Variants in ZBTB38 observed in about 807,000 individuals in gnomAD.
The protein encoded by ZBTB38 is zinc finger and BTB domain-containing protein 38.
ZBTB38 carries 20 observed loss-of-function variants against 76.8 expected under a neutral mutation model. The ratio of observed to expected loss-of-function variants is 0.26; its 90% CI spans 0.18 to 0.38. The LOEUF is 0.38. Ranked by LOEUF, ZBTB38 falls within the 10% of genes least tolerant of loss-of-function variation. ZBTB38 has a pLI of 1.00. For synonymous variants in ZBTB38, 504 were observed against 544.2 expected (o/e 0.93, Z 1.03); for missense variants, 1,082 against 1,482.3 (o/e 0.73, Z 4.43).
intron 1 of ZBTB38, among the ~76,000 whole-genome samples, chr3:141,350,880 G>A (rs991410559): frequency 3.9e-5 from 6 of 152,104 alleles, no homozygotes; most frequent in Non-Finnish European, 8.8e-5. Flanking sequence ...AATACAGCAT[G>A]CGCTAGCAAT....
At chr3:141,335,021 C>T (rs1197212301) in intron 1 of ZBTB38, among the ~76,000 whole-genome samples, 1 of 151,836 alleles carries the variant, frequency 6.6e-6, no homozygotes, top group Non-Finnish European at 1.5e-5. Context: ...CAAGAATCTG[C>T]ATGTCTGACA....
At position 141,448,453 on chromosome 3, in the gene ZBTB38, T is replaced by C. The variant is rs1231220475; in HGVS notation, c.*2477T>C. The C allele has an allele frequency of 6.6e-6, 1 of 152,620 alleles. No individual in the cohort carries two copies. The highest frequency in any genetic ancestry group is 1.5e-5 in the Non-Finnish European group (1 of 68,022). 9.5% of individuals were successfully genotyped at this position (152,620 alleles called of 1,614,324 possible). ...CAGCCTTGTCACATTTTTTTGTTAA[T>C]TGTGAAAATTTTATTGAGTGATGTT... On this transcript the variant is annotated 3_prime_UTR_variant, in exon 6 of 6. Transcript: ENST00000321464.
chr3:141,412,080 A>G (rs1956846425), intron 5 of ZBTB38, among the ~76,000 whole-genome samples: 1 of 152,170 alleles, frequency 6.6e-6, no homozygotes, highest in Admixed American at 6.5e-5. Context: ...CTCCAATCCT[A>G]GCAACTCCCT....
chr3:141,351,715 G>A (rs1301288265), intron 1 of ZBTB38, among the ~76,000 whole-genome samples: 1 of 110,262 alleles, frequency 9.1e-6, no homozygotes, highest in Non-Finnish European at 1.7e-5. Flanking sequence ...GCAAGACTCT[G>A]TCTCTTAAAA....
At chr3:141,408,406 G>GA (rs1955408411) in intron 5 of ZBTB38, among the ~76,000 whole-genome samples, 1 of 152,170 alleles carries the variant, frequency 6.6e-6, no homozygotes, top group Non-Finnish European at 1.5e-5. Context: ...AATTAGCCAG[G>GA]CATGGTGGCG....
At chr3:141,378,983 C>G (rs1945812606) in intron 2 of ZBTB38, among the ~76,000 whole-genome samples, 1 of 152,200 alleles carries the variant, frequency 6.6e-6, no homozygotes, top group Non-Finnish European at 1.5e-5. Context: ...TCACCTTCAC[C>G]AAATGGGCCC....
chr3:141,398,361 T>C (rs1021701690), intron 4 of ZBTB38, among the ~76,000 whole-genome samples: 1 of 152,232 alleles, frequency 6.6e-6, no homozygotes, highest in Non-Finnish European at 1.5e-5. Context: ...AGTATATCCC[T>C]ATTATGAGGT....
intron 2 of ZBTB38, among the ~76,000 whole-genome samples, chr3:141,379,532 G>A (rs533346154): frequency 9.9e-5 from 15 of 152,262 alleles, no homozygotes; most frequent in African/African-American, 3.4e-4. Context: ...GAGGGACAGC[G>A]GTGCTCATTT....
In ZBTB38 at chr3:141,442,587, A is replaced by G; in HGVS notation, c.199A>G (p.Ile67Val). The stretch of plus-strand genomic sequence containing the variant: ...TAAAAATATCTTTTGGAGCCATACA[A>G]TCTGTATTTCCAGCCACGTCCTGGA... ...YFKNIFWSHTICISSHVLELD... is the reference protein window; with the variant it reads ...YFKNIFWSHTVCISSHVLELD... The change falls in exon 6 of 6, where the codon ATC (isoleucine) becomes GTC (valine). Residue 67 changes from isoleucine (I) to valine (V), a missense_variant. By Grantham distance (29) the Ile-to-Val change is conservative. Transcript: ENST00000321464. This position sits in a 1 kb window ranked among gnomAD's most constrained non-coding sequence, Gnocchi z 6.4. 6.2e-7 allele frequency: 1 copy of G among 1,614,210 alleles called. No individual in the cohort carries two copies. Among genetic ancestry groups the G allele is most frequent in the East Asian group, 2.2e-5 (1 of 44,890 alleles).
chr3:141,325,678 G>T (rs982870640), intron 1 of ZBTB38, among the ~76,000 whole-genome samples: 3 of 152,218 alleles, frequency 2.0e-5, no homozygotes, highest in African/African-American at 2.4e-5. Context: ...GCTTTGCAAA[G>T]ATTGCATTAG....
chr3:141,426,512 T>TGAGAGGAG (rs1387491456), intron 5 of ZBTB38, among the ~76,000 whole-genome samples: 1 of 152,044 alleles, frequency 6.6e-6, no homozygotes, highest in Non-Finnish European at 1.5e-5. Context: ...TAGCTCCTTA[T>TGAGAGGAG]GAGAGGAGGA....
chr3:141,362,528 C>T (rs182020985), intron 1 of ZBTB38, among the ~76,000 whole-genome samples: 1 of 152,336 alleles, frequency 6.6e-6, no homozygotes, highest in East Asian at 1.9e-4. Flanking sequence ...AAGCACTTTA[C>T]ATGAGTGATA....
At chr3:141,337,212 T>G (rs775098892) in intron 1 of ZBTB38, among the ~76,000 whole-genome samples, 18 of 152,262 alleles carry the variant, frequency 1.2e-4, no homozygotes, top group Non-Finnish European at 2.6e-4. Flanking sequence ...GTGTTTGTGC[T>G]GTGTATTTCA....
chr3:141,395,184 C>T (rs988590522), intron 4 of ZBTB38, among the ~76,000 whole-genome samples: 1 of 152,178 alleles, frequency 6.6e-6, no homozygotes, highest in Non-Finnish European at 1.5e-5. Flanking sequence ...TTGGGCATGG[C>T]AGAACAATTG....
At chr3:141,415,790 T>C (rs752194286) in intron 5 of ZBTB38, among the ~76,000 whole-genome samples, 1 of 152,204 alleles carries the variant, frequency 6.6e-6, no homozygotes, top group Non-Finnish European at 1.5e-5. Context: ...AAGACTCTTG[T>C]TGTCCCCTGG....
intron 4 of ZBTB38, chr3:141,402,921 C>G (rs951089580): frequency 6.6e-6 from 1 of 152,224 alleles, no homozygotes; most frequent in African/African-American, 2.4e-5. Flanking sequence ...TGATGATTTC[C>G]TTGATGCAAC....
chr3:141,432,073 A>G, intron 5 of ZBTB38: 2 of 985,424 alleles, frequency 2.0e-6, no homozygotes, highest in Non-Finnish European at 2.4e-6. Context: ...CTTTGAGAAA[A>G]TATACTGTAA....
chr3:141,425,152 A>G (rs1287906822), intron 5 of ZBTB38, among the ~76,000 whole-genome samples: 1 of 152,226 alleles, frequency 6.6e-6, no homozygotes, highest in Non-Finnish European at 1.5e-5. Flanking sequence ...CAGACTGGAC[A>G]TGGTGTGCCT....
At chr3:141,384,582 G>C (rs999915052) in intron 3 of ZBTB38, among the ~76,000 whole-genome samples, 1 of 152,228 alleles carries the variant, frequency 6.6e-6, no homozygotes, top group African/African-American at 2.4e-5. Flanking sequence ...TAAGGACTCT[G>C]CTTCACAGAT....
Sources: allele counts gnomAD v4.1 joint callset (sites outside exome capture counted in the v4.1 genomes callset), GRCh38; gene constraint gnomAD v4.1.1; non-coding constraint Gnocchi (gnomAD v3.1); transcripts MANE v1.5; gene names NCBI Gene and HGNC (gene_info 2026-07-23, HGNC 2026-07-21).